FAT4: variants seen among roughly 807,000 people sequenced by gnomAD.
FAT4 encodes the protein protocadherin Fat 4.
Under a neutral mutation model 303.9 loss-of-function variants are expected in FAT4, and 84 were observed. The ratio of observed to expected loss-of-function variants is 0.28; its 90% confidence interval spans 0.23 to 0.33. The LOEUF (loss-of-function observed/expected upper bound fraction) is 0.33. FAT4 is among the 10% of genes least tolerant of loss of function. The probability of loss-of-function intolerance (pLI) is 1.00; values close to 1 mark genes in which losing one functional copy is unlikely to be tolerated. For synonymous variants in FAT4, 2,307 were observed against 2,298.8 expected (o/e 1.00, Z -0.10); for missense variants, 6,005 against 6,146.8 (o/e 0.98, Z 0.77).
chr4:125,429,927 C>G lies in FAT4; in HGVS notation c.7019-4318C>G, dbSNP rs140529129. Among the ~76,000 whole-genome samples the G allele has an allele frequency of 3.9e-5, 6 of 152,198 alleles. No homozygotes were observed. The East Asian group carries it at 1.2e-3, about 29-fold the overall frequency. Reference sequence around the variant, plus strand: ...CAGCACTTCAAATAGGATGTATCCACTACACGGTGGGAAACAGTAATACTC... The same window carrying G: ...CAGCACTTCAAATAGGATGTATCCAGTACACGGTGGGAAACAGTAATACTC... On this transcript the variant is annotated intron_variant, in intron 7 of 17. Transcript: ENST00000394329.
rs1466601216 is a variant in FAT4 at position 125,398,824 on chromosome 4, T to C, written c.5216T>C (p.Val1739Ala). The change falls in exon 3 of 18, where the codon GTA becomes GCA. Residue 1739 changes from valine to alanine, a missense_variant. By Grantham distance (64) the Val-to-Ala change is moderately conservative. Coordinates refer to ENST00000394329, the MANE Select transcript of FAT4 (RefSeq NM_001291303.3). ...CAGGATATCAATGACAATCCACCAG[T>C]ATTTCCAACGGACATGCTGGATCTC... ...TLQDINDNPP[V>A]FPTDMLDLTV... The C allele has an allele frequency of 6.2e-7, 1 of 1,612,978 alleles. No homozygotes were observed. Among genetic ancestry groups the C allele is most frequent in the South Asian group, 1.1e-5 (1 of 91,054 alleles).
At chr4:125,420,076 A>G (rs77337848) in intron 7 of FAT4, among the ~76,000 whole-genome samples, 3,362 of 152,276 alleles carry the variant, frequency 0.022, 126 homozygotes, top group African/African-American at 0.077. Flanking sequence ...ATTATTTTAG[A>G]TAAAATGTCA....
intron 2 of FAT4, among the ~76,000 whole-genome samples, chr4:125,365,339 C>G (rs561840225): frequency 6.6e-6 from 1 of 152,138 alleles, no homozygotes; most frequent in Non-Finnish European, 1.5e-5. Flanking sequence ...AAAGTAGCCA[C>G]GAGCTTGGAT....
In FAT4 at chr4:125,451,082, T is replaced by C. The variant is rs984954785; in HGVS notation, c.10072T>C (p.Tyr3358His). The change falls in exon 10 of 18, where the codon TAT becomes CAT. Residue 3358 changes from tyrosine (Y) to histidine (H), a missense_variant. Transcript: ENST00000394329. The part of the protein sequence containing the change: ...FQINKKTGQI[Y>H]VSGILDREKE... ...GATCAATAAGAAGACTGGACAGATT[T>C]ATGTTTCTGGAATTCTTGATCGAGA... is the stretch of plus-strand genomic sequence containing the variant. The C allele has an allele frequency of 1.2e-6, 2 of 1,614,154 alleles. No homozygotes were observed. The highest frequency in any genetic ancestry group is 1.1e-5 in the South Asian group (1 of 91,076).
intron 10 of FAT4, among the ~76,000 whole-genome samples, chr4:125,453,126 C>T (rs1163297366): frequency 6.6e-6 from 1 of 151,894 alleles, no homozygotes; most frequent in Non-Finnish European, 1.5e-5. Flanking sequence ...TTCAAGTCTA[C>T]ACAGTTAAAT....
chr4:125,348,872 T>C (rs891301102), intron 2 of FAT4, among the ~76,000 whole-genome samples: 1 of 151,818 alleles, frequency 6.6e-6, no homozygotes, highest in Non-Finnish European at 1.5e-5. Context: ...TATTTTATGA[T>C]GCTAAGGTTG....
chr4:125,319,994 A>G lies in FAT4; in HGVS notation c.3583A>G (p.Thr1195Ala). 6.2e-7 allele frequency: 1 copy of G among 1,613,076 alleles called. No individual in the cohort carries two copies. Among genetic ancestry groups the G allele is most frequent in the Non-Finnish European group, 8.5e-7 (1 of 1,180,020 alleles). Residue 1195 changes from threonine to alanine, a missense_variant, in exon 2 of 18, where the codon ACT becomes GCT. Coordinates refer to ENST00000394329, the MANE Select transcript of FAT4 (RefSeq NM_001291303.3). ...CCCTCAGCCTCTCAAGGATCAGGCC[A>G]CTGTACATGTTTACATGAAGGATAT... The part of the protein sequence containing the change: ...GIPQPLKDQA[T>A]VHVYMKDIND...
In FAT4 at chr4:125,449,323, T is replaced by C. The variant is rs148344513; in HGVS notation, c.8313T>C (p.Asn2771=). The change falls in exon 10 of 18, where the codon AAT becomes AAC. Residue 2771 remains asparagine, a synonymous_variant. Coordinates refer to ENST00000394329, the MANE Select transcript of FAT4 (RefSeq NM_001291303.3). ...VMINILDEND[N]APRFSQIFSA... is the part of the protein sequence containing the mutation. ...TTAACATTTTAGATGAAAATGATAA[T>C]GCCCCTAGGTTTTCTCAGATATTTA... The C allele has an allele frequency of 1.4e-4, 223 of 1,613,824 alleles. No homozygotes were observed. The highest frequency in any genetic ancestry group is 1.6e-4 in the Middle Eastern group (1 of 6,084).
chr4:125,440,326 G>T (rs542324224), intron 8 of FAT4, among the ~76,000 whole-genome samples: 1 of 151,584 alleles, frequency 6.6e-6, no homozygotes, highest in South Asian at 2.1e-4. Context: ...ACTAAAAAAA[G>T]GCCCTGTCAG....
intron 14 of FAT4, among the ~76,000 whole-genome samples, chr4:125,479,532 A>AT (rs910517499): frequency 2.6e-4 from 40 of 152,136 alleles, no homozygotes; most frequent in African/African-American, 9.6e-4. Flanking sequence ...ATAAGACATA[A>AT]TTTTTTTTGA....
At chr4:125,357,288 C>T (rs1192326634) in intron 2 of FAT4, among the ~76,000 whole-genome samples, 1 of 151,724 alleles carries the variant, frequency 6.6e-6, no homozygotes, top group Non-Finnish European at 1.5e-5. Context: ...TGAGTTATTC[C>T]AGTTTTTTCA....
At chr4:125,481,082 T>C (rs1296268368) in intron 15 of FAT4, among the ~76,000 whole-genome samples, 1 of 152,154 alleles carries the variant, frequency 6.6e-6, no homozygotes, top group Non-Finnish European at 1.5e-5. Context: ...AATACTTGAT[T>C]GAACACTTCT....
intron 2 of FAT4, among the ~76,000 whole-genome samples, chr4:125,364,055 G>T (rs2125986896): frequency 6.6e-6 from 1 of 152,124 alleles, no homozygotes; most frequent in African/African-American, 2.4e-5. Context: ...GTTGTCCGTT[G>T]TTGATGGACT....
rs1413458265 is a variant in FAT4 at position 125,401,946 on chromosome 4, C to T, written c.5307+3031C>T. On this transcript the variant is annotated intron_variant, in intron 3 of 17. Coordinates refer to ENST00000394329, the MANE Select transcript of FAT4 (RefSeq NM_001291303.3). ...CAGCATTATTTCCACTGCAGTGAAG[C>T]TGAAACATGATATTTGTTTCTTGTT... 3.3e-5 allele frequency among the ~76,000 whole-genome samples: 5 copies of T among 151,898 alleles called. No homozygotes were observed. The East Asian group carries it at 9.7e-4, about 29-fold the overall frequency.
chr4:125,421,070 A>G (rs1724857282), intron 7 of FAT4, among the ~76,000 whole-genome samples: 1 of 152,144 alleles, frequency 6.6e-6, no homozygotes, highest in Admixed American at 6.6e-5. Flanking sequence ...AACTGGGACT[A>G]CAGGCACATG....
chr4:125,363,352 T>C (rs1732743230), intron 2 of FAT4, among the ~76,000 whole-genome samples: 1 of 151,924 alleles, frequency 6.6e-6, no homozygotes, highest in Non-Finnish European at 1.5e-5. Flanking sequence ...TATTCAGCTA[T>C]AATTCCTCCT....
intron 10 of FAT4, among the ~76,000 whole-genome samples, chr4:125,456,192 A>G (rs1726270892): frequency 6.6e-6 from 1 of 152,196 alleles, no homozygotes; most frequent in African/African-American, 2.4e-5. Flanking sequence ...GCTGAATGTC[A>G]GCAGATGATA....
At position 125,491,633 on chromosome 4, in the gene FAT4, C is replaced by T; in HGVS notation, c.14817C>T (p.Gly4939=). 1 of 1,614,148 alleles carries T rather than the reference C, an allele frequency of 6.2e-7. No individual in the cohort carries two copies. The highest frequency in any genetic ancestry group is 8.5e-7 in the Non-Finnish European group (1 of 1,180,022). ...TFNWDNLLNW[G]PGFGHYVDVF... ...ACTGGGACAACCTTTTGAACTGGGG[C>T]CCTGGCTTTGGCCATTATGTAGATG... Residue 4939 remains glycine, a synonymous_variant, in exon 18 of 18, where the codon GGC becomes GGT. Transcript: ENST00000394329.
intron 2 of FAT4, among the ~76,000 whole-genome samples, chr4:125,332,156 A>ATTT (rs1731409160): frequency 1.1e-5 from 1 of 88,976 alleles, no homozygotes; most frequent in Admixed American, 1.3e-4. Context: ...GTTCCGTTCC[A>ATTT]TTCTTTTTTT....
Sources: allele counts gnomAD v4.1 joint callset (sites outside exome capture counted in the v4.1 genomes callset), GRCh38; gene constraint gnomAD v4.1.1; transcripts MANE v1.5; gene names NCBI Gene and HGNC (gene_info 2026-07-23, HGNC 2026-07-21).